Variants in ARHGAP15 observed in about 807,000 individuals in gnomAD.
The protein encoded by ARHGAP15 is Rho GTPase activating protein 15.
Under a neutral mutation model 63.7 loss-of-function variants are expected in ARHGAP15, and 51 were observed. That is an observed-to-expected ratio of 0.80 (90% CI 0.64 to 1.01). The LOEUF (loss-of-function observed/expected upper bound fraction) is 1.01, where lower values mean the gene tolerates loss of function less well. Among genes scored for constraint, ARHGAP15 ranks in the 50% least tolerant of loss-of-function variants. ARHGAP15 has a pLI of 0.00. For missense variants in ARHGAP15, 560 were observed against 564.6 expected, an observed-to-expected ratio of 0.99 and a Z score of 0.08; for synonymous variants, 191 against 193.8, an observed-to-expected ratio of 0.99 and a Z score of 0.12.
rs10558886 is a variant in ARHGAP15 at position 143,635,194 on chromosome 2, C to CTTT, written c.1138+10954_1138+10956dup. On this transcript the variant is annotated intron_variant, in intron 12 of 13. Transcript: ENST00000295095. ...AACTTTCATATTAACCTCTCAGGAG[C>CTTT]TTTTTTTTTTTTTTTTTTTTTTTTT... Among the ~76,000 whole-genome samples the CTTT allele has an allele frequency of 5.4e-3, 146 of 26,880 alleles. 9 individuals are homozygous for CTTT. The highest frequency in any genetic ancestry group is 0.038 in the Middle Eastern group (1 of 26). The allele number at this position is 26,880 out of a possible 152,430, so 17.6% of individuals were successfully genotyped here. A position where few individuals can be genotyped will look rare whatever the true frequency, so the allele number is the denominator to read the frequency against.
chr2:143,403,602 A>G (rs1688076953), intron 6 of ARHGAP15, among the ~76,000 whole-genome samples: 1 of 151,926 alleles, frequency 6.6e-6, no homozygotes, highest in Admixed American at 6.6e-5. Context: ...TAAAAATTGC[A>G]TAATACATAA....
At chr2:143,474,319 G>A (rs1378640508) in intron 8 of ARHGAP15, among the ~76,000 whole-genome samples, 2 of 152,038 alleles carry the variant, frequency 1.3e-5, no homozygotes, top group East Asian at 3.8e-4. Flanking sequence ...CCACCCTTGA[G>A]GCATGTATTT....
chr2:143,310,293 GC>G (rs1683382248), intron 6 of ARHGAP15, among the ~76,000 whole-genome samples: 4 of 151,956 alleles, frequency 2.6e-5, no homozygotes, highest in Admixed American at 2.6e-4. Context: ...TGACATTTTT[GC>G]AAGAAAGATG....
intron 12 of ARHGAP15, among the ~76,000 whole-genome samples, chr2:143,633,724 C>A (rs1261035298): frequency 1.3e-5 from 2 of 152,082 alleles, no homozygotes. Context: ...TGGTGGAAAG[C>A]AATTATCTTC....
chr2:143,313,414 A>C (rs6430022), intron 6 of ARHGAP15, among the ~76,000 whole-genome samples: 103,601 of 151,970 alleles, frequency 0.68, 36,404 homozygotes, highest in African/African-American at 0.86. Context: ...TTCCACTAAA[A>C]CCTGATTTTC....
chr2:143,518,024 C>G (rs1693896085), intron 9 of ARHGAP15, among the ~76,000 whole-genome samples: 1 of 152,100 alleles, frequency 6.6e-6, no homozygotes, highest in Admixed American at 6.6e-5. Flanking sequence ...AGCCCTTGGA[C>G]CCACTAAATA....
chr2:143,342,761 T>A (rs1685113826), intron 6 of ARHGAP15, among the ~76,000 whole-genome samples: 1 of 152,082 alleles, frequency 6.6e-6, no homozygotes, highest in Admixed American at 6.6e-5. Flanking sequence ...AGTCCCATCA[T>A]ACATATAAGA....
chr2:143,185,410 T>G (rs1330234538), intron 2 of ARHGAP15, among the ~76,000 whole-genome samples: 1 of 151,914 alleles, frequency 6.6e-6, no homozygotes, highest in African/African-American at 2.4e-5. Context: ...GGTTCTCTGA[T>G]TGGTTTTTAA....
chr2:143,472,829 T>C (rs1017625722), intron 8 of ARHGAP15, among the ~76,000 whole-genome samples: 2 of 152,176 alleles, frequency 1.3e-5, no homozygotes, highest in African/African-American at 4.8e-5. Context: ...TTTATCCTTA[T>C]TATGCAGATG....
intron 5 of ARHGAP15, among the ~76,000 whole-genome samples, chr2:143,235,179 C>T (rs1305416223): frequency 2.0e-5 from 3 of 151,078 alleles, no homozygotes; most frequent in Non-Finnish European, 2.9e-5. Context: ...AAGATATAGT[C>T]TTTGCCTTAT....
At chr2:143,427,643 A>G (rs557232917) in intron 6 of ARHGAP15, among the ~76,000 whole-genome samples, 1 of 152,096 alleles carries the variant, frequency 6.6e-6, no homozygotes, top group Non-Finnish European at 1.5e-5. Flanking sequence ...ATGCATTGAA[A>G]TATGACTCTT....
At chr2:143,506,878 G>GTTTT (rs1693348733) in intron 9 of ARHGAP15, among the ~76,000 whole-genome samples, 1 of 138,394 alleles carries the variant, frequency 7.2e-6, no homozygotes, top group Non-Finnish European at 1.6e-5. Context: ...AAATATTAGG[G>GTTTT]TATTTTCCTT....
intron 6 of ARHGAP15, among the ~76,000 whole-genome samples, chr2:143,419,642 C>CTATA (rs896157128): frequency 2.1e-5 from 3 of 142,678 alleles, no homozygotes; most frequent in South Asian, 2.3e-4. Flanking sequence ...TATGTATGAC[C>CTATA]TATATATATA....
intron 10 of ARHGAP15, among the ~76,000 whole-genome samples, chr2:143,540,797 G>A (rs950324050): frequency 6.6e-6 from 1 of 152,074 alleles, no homozygotes; most frequent in Non-Finnish European, 1.5e-5. Context: ...TTTCTCTCTG[G>A]CTGCCCTTAA....
intron 11 of ARHGAP15, among the ~76,000 whole-genome samples, chr2:143,596,273 A>G (rs977075802): frequency 1.3e-5 from 2 of 152,190 alleles, no homozygotes; most frequent in Admixed American, 1.3e-4. Flanking sequence ...TTCAACCCAT[A>G]TTATTGTCTT....
intron 9 of ARHGAP15, 73 bp downstream of exon 9, chr2:143,487,568 C>G: frequency 2.8e-6 from 4 of 1,448,962 alleles, no homozygotes; most frequent in Non-Finnish European, 3.7e-6. Context: ...CTAATCAGCT[C>G]TAAAGGAATA....
chr2:143,666,684 AATATCC>A (rs552201874), intron 12 of ARHGAP15, among the ~76,000 whole-genome samples: 3 of 122,306 alleles, frequency 2.5e-5, no homozygotes, highest in Middle Eastern at 7.4e-3. Context: ...ACAAAGGGCT[AATATCC>A]AGAATCTACA....
rs1303173042 is a variant in ARHGAP15, at chr2:143,155,587, A to G, written c.97A>G (p.Ser33Gly). 3 of 1,609,694 alleles carry G rather than the reference A, an allele frequency of 1.9e-6. No homozygotes were observed. Among genetic ancestry groups the G allele is most frequent in the Non-Finnish European group, 2.5e-6 (3 of 1,178,034 alleles). The part of the protein sequence containing the change: ...AVQMRIKNAN[S>G]HHDRLSQSKS... ...GCAAATGAGAATCAAAAATGCCAAC[A>G]GCCACCATGACAGGCTCAGCCAAAG... The change falls in exon 2 of 14, where the codon AGC (serine) becomes GGC (glycine). Residue 33 changes from serine to glycine, a missense_variant. By Grantham distance (56) the Ser-to-Gly change is moderately conservative. Transcript: ENST00000295095.
At chr2:143,384,841 T>C (rs992458577) in intron 6 of ARHGAP15, among the ~76,000 whole-genome samples, 39 of 152,154 alleles carry the variant, frequency 2.6e-4, no homozygotes, top group African/African-American at 9.4e-4. Context: ...GGGGATACCT[T>C]ACCTTACCCC....
Sources: gnomAD v4.1 joint callset for allele counts (sites outside exome capture counted in the v4.1 genomes callset) on GRCh38, gnomAD v4.1.1 for gene constraint, MANE v1.5 for transcripts, NCBI Gene and HGNC (gene_info 2026-07-23, HGNC 2026-07-21) for gene names.